Variants in BICD1 observed in about 807,000 individuals in gnomAD.
The protein encoded by BICD1 is BICD cargo adaptor 1.
Under a neutral mutation model 92.5 loss-of-function variants are expected in BICD1, and 35 were observed. The observed-to-expected ratio is 0.38, with a 90% confidence interval of 0.29 to 0.50. BICD1 has a LOEUF of 0.50. BICD1 is among the 20% of genes least tolerant of loss of function. BICD1 has a pLI of 0.93. For missense variants in BICD1, 950 were observed against 1,189.8 expected (o/e 0.80, Z 2.97); for synonymous variants, 429 against 465.1 (o/e 0.92, Z 1.00).
At chr12:32,310,054 G>A (rs1948333545) in intron 4 of BICD1, among the ~76,000 whole-genome samples, 1 of 152,186 alleles carries the variant, frequency 6.6e-6, no homozygotes, top group Non-Finnish European at 1.5e-5. Context: ...TCATGACAGT[G>A]TAGAGGGGCA....
intron 1 of BICD1, among the ~76,000 whole-genome samples, chr12:32,146,332 C>T (rs914459700): frequency 4.6e-5 from 7 of 152,034 alleles, no homozygotes; most frequent in African/African-American, 1.4e-4. Flanking sequence ...ATCATGAGCT[C>T]AGATAGAGAT....
At chr12:32,306,693 C>T (rs111273344) in intron 4 of BICD1, among the ~76,000 whole-genome samples, 8,836 of 152,128 alleles carry the variant, frequency 0.058, 363 homozygotes, top group South Asian at 0.12. Flanking sequence ...ACAAATTGAG[C>T]TCCAATGAAG....
intron 1 of BICD1, among the ~76,000 whole-genome samples, chr12:32,184,185 A>T (rs1944361413): frequency 6.6e-6 from 1 of 152,186 alleles, no homozygotes; most frequent in African/African-American, 2.4e-5. Flanking sequence ...CTCAAGGAAA[A>T]AACATATTTG....
intron 2 of BICD1, among the ~76,000 whole-genome samples, chr12:32,248,912 G>A (rs1946459745): frequency 6.6e-6 from 1 of 152,180 alleles, no homozygotes; most frequent in African/African-American, 2.4e-5. Flanking sequence ...GCGCATGTGG[G>A]CCCTTAGGGT....
At chr12:32,263,129 G>A (rs554137178) in intron 2 of BICD1, among the ~76,000 whole-genome samples, 141 of 148,964 alleles carry the variant, frequency 9.5e-4, no homozygotes, top group African/African-American at 3.1e-3. Flanking sequence ...AGTGAGAGCC[G>A]GTCTCAAAAT....
intron 2 of BICD1, among the ~76,000 whole-genome samples, chr12:32,222,643 C>G (rs971608461): frequency 6.6e-6 from 1 of 152,184 alleles, no homozygotes; most frequent in African/African-American, 2.4e-5. Flanking sequence ...ACGATAGCTG[C>G]TATGGTCTGA....
chr12:32,237,782 T>C (rs926855560), intron 2 of BICD1, among the ~76,000 whole-genome samples: 1 of 152,194 alleles, frequency 6.6e-6, no homozygotes, highest in Non-Finnish European at 1.5e-5. Context: ...ATATTACTGC[T>C]CATTGACAGT....
intron 3 of BICD1, among the ~76,000 whole-genome samples, chr12:32,303,075 T>C (rs1486607467): frequency 6.6e-6 from 1 of 151,684 alleles, no homozygotes; most frequent in Non-Finnish European, 1.5e-5. Context: ...GCTGGGACTA[T>C]AGGTGCACGC....
At chr12:32,299,922 G>A (rs1333126565) in intron 3 of BICD1, among the ~76,000 whole-genome samples, 1 of 152,146 alleles carries the variant, frequency 6.6e-6, no homozygotes, top group Non-Finnish European at 1.5e-5. Context: ...AACTTTTTCT[G>A]TGAAGGGCCA....
chr12:32,233,499 C>G (rs1414300984), intron 2 of BICD1, among the ~76,000 whole-genome samples: 1 of 151,896 alleles, frequency 6.6e-6, no homozygotes, highest in Non-Finnish European at 1.5e-5. Context: ...TCTGTCCTCT[C>G]TCTTGCCTCC....
chr12:32,325,884 T>C (rs187596504), intron 4 of BICD1, among the ~76,000 whole-genome samples: 1 of 151,616 alleles, frequency 6.6e-6, no homozygotes, highest in South Asian at 2.1e-4. Flanking sequence ...AGATCGAGAC[T>C]ATCCTGGCTA....
At chr12:32,247,866 C>T (rs1207040742) in intron 2 of BICD1, among the ~76,000 whole-genome samples, 1 of 152,042 alleles carries the variant, frequency 6.6e-6, no homozygotes, top group Non-Finnish European at 1.5e-5. Flanking sequence ...AGGCGGATCA[C>T]CTGAGGTCAG....
Position 32,381,837 on chromosome 12 carries a change from G to C in BICD1, c.*4210G>C, listed in dbSNP as rs549444472. 8 of 152,082 alleles carry C rather than the reference G, an allele frequency of 5.3e-5. No homozygotes were observed. The highest frequency in any genetic ancestry group is 1.3e-4 in the Admixed American group (2 of 15,272). 9.4% of individuals were successfully genotyped at this position (152,082 alleles called of 1,614,324 possible). On this transcript the variant is annotated 3_prime_UTR_variant, in exon 10 of 10. Transcript: ENST00000652176. ...AGGTTGCCCTCCAGTTTTTTTGTTT[G>C]TTTATAAACTAGAGTGATTTTTAAG...
In BICD1 at chr12:32,107,295, A is replaced by G. The variant is rs751855356; in HGVS notation, c.-37A>G. On this transcript the variant is annotated 5_prime_UTR_variant, in exon 1 of 10. Transcript: ENST00000652176. ...CGCCAGCTTCGCATCCATCTCCCCCACCCCGTAACCCCCTCCTGCCTCCAT... is the reference window on the plus strand; with the variant it reads ...CGCCAGCTTCGCATCCATCTCCCCCGCCCCGTAACCCCCTCCTGCCTCCAT... 6.6e-7 allele frequency: 1 copy of G among 1,519,946 alleles called. No homozygotes were observed. Among genetic ancestry groups the G allele is most frequent in the South Asian group, 1.2e-5 (1 of 82,632 alleles). The allele number at this position is 1,519,946 out of a possible 1,614,324, so 94.2% of individuals were successfully genotyped here.
chr12:32,120,108 G>A (rs575814911), intron 1 of BICD1, among the ~76,000 whole-genome samples: 2 of 151,840 alleles, frequency 1.3e-5, no homozygotes, highest in African/African-American at 2.4e-5. Context: ...CTCTCTTATT[G>A]TGTCTATTTA....
chr12:32,111,956 A>T (rs991215894), intron 1 of BICD1, among the ~76,000 whole-genome samples: 11 of 149,286 alleles, frequency 7.4e-5, no homozygotes, highest in Admixed American at 2.0e-4. Flanking sequence ...GCTTTCAATC[A>T]CATTTCTTTT....
At chr12:32,292,236 C>G (rs1947744669) in intron 2 of BICD1, among the ~76,000 whole-genome samples, 1 of 152,162 alleles carries the variant, frequency 6.6e-6, no homozygotes, top group Non-Finnish European at 1.5e-5. Context: ...CTTGATGTTC[C>G]TTGGCGTGTA....
At chr12:32,320,880 A>C (rs1322038867) in intron 4 of BICD1, among the ~76,000 whole-genome samples, 2 of 151,624 alleles carry the variant, frequency 1.3e-5, no homozygotes, top group African/African-American at 4.8e-5. Flanking sequence ...TAAGACAACT[A>C]TTCTCAGTCA....
intron 2 of BICD1, among the ~76,000 whole-genome samples, chr12:32,275,490 C>T (rs1332653605): frequency 6.6e-6 from 1 of 152,128 alleles, no homozygotes; most frequent in Non-Finnish European, 1.5e-5. Flanking sequence ...GTCATATCTG[C>T]CTGCTGTTAG....
Sources: allele counts gnomAD v4.1 joint callset (sites outside exome capture counted in the v4.1 genomes callset), GRCh38; gene constraint gnomAD v4.1.1; transcripts MANE v1.5; gene names NCBI Gene and HGNC (gene_info 2026-07-23, HGNC 2026-07-21).